ARHGAP20: variants seen among roughly 807,000 people sequenced by gnomAD.
ARHGAP20 encodes rho GTPase-activating protein 20.
ARHGAP20 carries 34 observed loss-of-function variants against 73.7 expected under a neutral mutation model. That is an observed-to-expected ratio of 0.46 (90% CI 0.35 to 0.61). The LOEUF (loss-of-function observed/expected upper bound fraction) is 0.61. ARHGAP20 is among the 20% of genes least tolerant of loss of function. The pLI is 0.00. For synonymous variants in ARHGAP20, 523 were observed against 518.2 expected, an observed-to-expected ratio of 1.01 and a Z score of -0.13; for missense variants, 1,314 against 1,420.9, an observed-to-expected ratio of 0.92 and a Z score of 1.21.
chr11:110,602,533 AAGTT>A (rs1399505360), intron 9 of ARHGAP20, among the ~76,000 whole-genome samples: 12 of 152,174 alleles, frequency 7.9e-5, no homozygotes, highest in Non-Finnish European at 1.5e-4. Flanking sequence ...GCTACAATAA[AAGTT>A]AAGTTTCTGA....
intron 3 of ARHGAP20, among the ~76,000 whole-genome samples, chr11:110,627,711 C>T (rs1405818862): frequency 6.6e-6 from 1 of 152,126 alleles, no homozygotes; most frequent in Admixed American, 6.5e-5. Flanking sequence ...ATAGTGATGG[C>T]TTACGAGGGT....
chr11:110,665,005 A>C (rs964143847), intron 2 of ARHGAP20, among the ~76,000 whole-genome samples: 1 of 152,172 alleles, frequency 6.6e-6, no homozygotes, highest in African/African-American at 2.4e-5. Context: ...GCAGAAATCA[A>C]ACAGAGTATG....
At chr11:110,706,176 T>C (rs1193732612) in intron 1 of ARHGAP20, among the ~76,000 whole-genome samples, 2 of 152,082 alleles carry the variant, frequency 1.3e-5, no homozygotes, top group Admixed American at 6.6e-5. Context: ...GCTGGTTATA[T>C]ATAATTTAAA....
rs201306465 is a variant in ARHGAP20 at position 110,701,665 on chromosome 11, T to G, written c.105+10462A>C. 8.3e-4 allele frequency among the ~76,000 whole-genome samples: 126 copies of G among 152,304 alleles called. 2 individuals are homozygous for G. The East Asian group carries it at 0.023, about 28-fold the overall frequency. ...GACATGAAGTCCTTGCCCATGCCTA[T>G]GTCCTGAATGGTAATGCCCAGGTTT... On this transcript the variant is annotated intron_variant, in intron 1 of 14. Coordinates refer to ENST00000683387, the MANE Select transcript of ARHGAP20 (RefSeq NM_001384657.1).
intron 1 of ARHGAP20, among the ~76,000 whole-genome samples, chr11:110,702,153 C>T (rs1051803707): frequency 1.3e-5 from 2 of 151,896 alleles, no homozygotes; most frequent in Admixed American, 6.6e-5. Flanking sequence ...ACTGGCAAAC[C>T]GAATCCAGCA....
At chr11:110,666,729 C>A (rs935279999) in intron 2 of ARHGAP20, among the ~76,000 whole-genome samples, 1 of 152,170 alleles carries the variant, frequency 6.6e-6, no homozygotes, top group African/African-American at 2.4e-5. Context: ...CAAACATTTT[C>A]ATTATTATTA....
chr11:110,646,376 C>G (rs963392196), intron 2 of ARHGAP20, among the ~76,000 whole-genome samples: 3 of 152,002 alleles, frequency 2.0e-5, no homozygotes, highest in African/African-American at 7.2e-5. Flanking sequence ...AATATTAATA[C>G]CTACATAATA....
Position 110,584,842 on chromosome 11 carries a change from T to C in ARHGAP20, c.1416-1105A>G, listed in dbSNP as rs1947579689. ...TGCAAATTCACTTTAGCATTTCTGA[T>C]TCATATATATATATGTGAATATATA... On this transcript the variant is annotated intron_variant, in intron 12 of 14. Coordinates refer to ENST00000683387, the MANE Select transcript of ARHGAP20 (RefSeq NM_001384657.1). 6.9e-5 allele frequency among the ~76,000 whole-genome samples: 10 copies of C among 144,368 alleles called. No homozygotes were observed. In the Admixed American group the frequency reaches 7.6e-4, roughly 11 times the overall value. 94.7% of individuals were successfully genotyped at this position (144,368 alleles called of 152,430 possible).
At chr11:110,585,018 C>CATAATGTGA (rs1947609696) in intron 12 of ARHGAP20, among the ~76,000 whole-genome samples, 1 of 61,774 alleles carries the variant, frequency 1.6e-5, no homozygotes, top group Admixed American at 2.6e-4. Flanking sequence ...TGTATGTGAA[C>CATAATGTGA]ATATATGTGA....
At chr11:110,684,991 T>C (rs750483985) in intron 2 of ARHGAP20, among the ~76,000 whole-genome samples, 3 of 152,072 alleles carry the variant, frequency 2.0e-5, no homozygotes, top group African/African-American at 7.2e-5. Context: ...ATGGGTTCAA[T>C]AGAAGCTCAA....
At chr11:110,652,192 A>G (rs1437806868) in intron 2 of ARHGAP20, among the ~76,000 whole-genome samples, 1 of 151,438 alleles carries the variant, frequency 6.6e-6, no homozygotes, top group Non-Finnish European at 1.5e-5. Flanking sequence ...TACCTAGTTT[A>G]TTGTTAAAAA....
At position 110,579,641 on chromosome 11, in the gene ARHGAP20, G is replaced by T. The variant is rs1947384051; in HGVS notation, c.3305C>A (p.Ser1102Tyr). Residue 1102 changes from serine to tyrosine, a missense_variant, in exon 15 of 15, where the codon TCC becomes TAC. Physicochemically the swap from Ser to Tyr is moderately radical, Grantham distance 144. Coordinates refer to ENST00000683387, the MANE Select transcript of ARHGAP20 (RefSeq NM_001384657.1). ...ACACCTTTGGGCTGACTGCACAGGG[G>T]ACAGTCCTTCAGCTGCCCTTAAGGG... ...DLPLRAAEGL[S>Y]PVQSAQRCSS... The T allele has an allele frequency of 1.9e-6, 3 of 1,614,228 alleles. No homozygotes were observed. Among genetic ancestry groups the T allele is most frequent in the Non-Finnish European group, 1.7e-6 (2 of 1,180,040 alleles).
chr11:110,619,645 T>C (rs187416886), intron 4 of ARHGAP20, among the ~76,000 whole-genome samples: 37 of 152,000 alleles, frequency 2.4e-4, no homozygotes, highest in African/African-American at 8.4e-4. Context: ...TATGCAGTGA[T>C]AGAGTATATG....
intron 13 of ARHGAP20, among the ~76,000 whole-genome samples, chr11:110,583,205 C>G (rs1947520661): frequency 6.6e-6 from 1 of 151,748 alleles, no homozygotes; most frequent in South Asian, 2.1e-4. Flanking sequence ...TAATTTTGCC[C>G]AAGACTGTAC....
At chr11:110,664,294 A>C (rs1056888651) in intron 2 of ARHGAP20, among the ~76,000 whole-genome samples, 2 of 152,236 alleles carry the variant, frequency 1.3e-5, no homozygotes, top group African/African-American at 4.8e-5. Context: ...TGGAACCTAC[A>C]AAAACAATCC....
intron 12 of ARHGAP20, among the ~76,000 whole-genome samples, chr11:110,584,272 T>G (rs878950053): frequency 6.6e-6 from 1 of 152,210 alleles, no homozygotes; most frequent in East Asian, 1.9e-4. Flanking sequence ...TAAATCTGTT[T>G]CATTGTATCA....
Position 110,606,549 on chromosome 11 carries a change from G to A in ARHGAP20, c.964+12C>T. 1.9e-6 allele frequency: 3 copies of A among 1,598,862 alleles called. No individual in the cohort carries two copies. Among genetic ancestry groups the A allele is most frequent in the Non-Finnish European group, 1.7e-6 (2 of 1,175,150 alleles). On this transcript the variant is annotated intron_variant, in intron 9 of 14. Coordinates refer to ENST00000683387, the MANE Select transcript of ARHGAP20 (RefSeq NM_001384657.1). Reference sequence around the variant, plus strand: ...TGTTCAAGAACGAAAACTTTTGCTAGAAGCAACTCACCACTCAGTTGCTGG... The same window carrying A: ...TGTTCAAGAACGAAAACTTTTGCTAAAAGCAACTCACCACTCAGTTGCTGG...
At chr11:110,608,821 T>G (rs2134881948) in intron 8 of ARHGAP20, among the ~76,000 whole-genome samples, 163 bp downstream of exon 8, 1 of 152,314 alleles carries the variant, frequency 6.6e-6, no homozygotes, top group East Asian at 1.9e-4. Flanking sequence ...ATATTATTTG[T>G]CTAGCACATA....
At position 110,580,442 on chromosome 11, in the gene ARHGAP20, G is replaced by T. The variant is rs1159760344; in HGVS notation, c.2504C>A (p.Ala835Asp). The change falls in exon 15 of 15, where the codon GCC becomes GAC. Residue 835 changes from alanine (A) to aspartate (D), a missense_variant. Physicochemically the swap from Ala to Asp is moderately radical, Grantham distance 126. Coordinates refer to ENST00000683387, the MANE Select transcript of ARHGAP20 (RefSeq NM_001384657.1). ...SGYSPPHTADALKGPRTHRRC... is the reference protein window; with the variant it reads ...SGYSPPHTADDLKGPRTHRRC... ...CCGATGTGTCCTTGGACCCTTGAGG[G>T]CATCTGCTGTGTGTGGTGGGGAGTA... The T allele has an allele frequency of 6.2e-7, 1 of 1,614,064 alleles. No individual in the cohort carries two copies. Among genetic ancestry groups the T allele is most frequent in the Admixed American group, 1.7e-5 (1 of 60,006 alleles).
Sources: allele counts gnomAD v4.1 joint callset (sites outside exome capture counted in the v4.1 genomes callset), GRCh38; gene constraint gnomAD v4.1.1; transcripts MANE v1.5; gene names NCBI Gene and HGNC (gene_info 2026-07-23, HGNC 2026-07-21).